RPS23: variants seen among roughly 807,000 people sequenced by gnomAD.
RPS23 encodes small ribosomal subunit protein uS12.
For missense variants in RPS23, 73 were observed against 174.5 expected (o/e 0.42, Z 3.28); for synonymous variants, 66 against 60.4 (o/e 1.09, Z -0.43).
intron 2 of RPS23, chr5:82,276,905 C>T (rs535139062): frequency 1.2e-4 from 23 of 186,936 alleles, no homozygotes; most frequent in African/African-American, 2.6e-4. Context: ...AAGTCTGGGC[C>T]GGACACAGTG....
intron 1 of RPS23, 24 bp downstream of exon 1, chr5:82,278,296 C>T: frequency 1.9e-6 from 3 of 1,608,878 alleles, no homozygotes; most frequent in Middle Eastern, 1.7e-4. Flanking sequence ...TTGCAGCGCC[C>T]TTAAACCGGC....
Position 82,275,977 on chromosome 5 carries a change from T to A in RPS23, c.*132A>T. On this transcript the variant is annotated 3_prime_UTR_variant, in exon 4 of 4. Coordinates refer to ENST00000296674, the MANE Select transcript of RPS23 (RefSeq NM_001025.5). The stretch of plus-strand genomic sequence containing the variant: ...GGTACAGGTCCTGCGTTTGCTGGTT[T>A]AGGATAAAAAAAATAAGGGGGGGTG... The A allele has an allele frequency of 2.4e-6, 2 of 833,934 alleles. No homozygotes were observed. The highest frequency in any genetic ancestry group is 3.8e-6 in the Non-Finnish European group (2 of 530,440). 51.7% of individuals were successfully genotyped at this position (833,934 alleles called of 1,614,324 possible).
rs1333825381 is a variant in RPS23, at chr5:82,275,508, C to T, written c.*601G>A. The stretch of plus-strand genomic sequence containing the variant: ...TCCCTTGCCTGGCATATACTTCCAT[C>T]AACTAAATGATCCAATGCCTGTATT... On this transcript the variant is annotated 3_prime_UTR_variant, in exon 4 of 4. Transcript: ENST00000296674. The T allele has an allele frequency of 2.0e-5, 12 of 592,936 alleles. No individual in the cohort carries two copies. In the Admixed American group the frequency reaches 3.2e-4, roughly 16 times the overall value. 36.7% of individuals were successfully genotyped at this position (592,936 alleles called of 1,614,324 possible).
rs1747736311 is a variant in RPS23 at position 82,274,808 on chromosome 5, A to T, written c.*1301T>A. The T allele has an allele frequency of 4.9e-6, 1 of 202,892 alleles. No homozygotes were observed. Among genetic ancestry groups the T allele is most frequent in the African/African-American group, 2.3e-5 (1 of 43,112 alleles). 12.6% of individuals were successfully genotyped at this position (202,892 alleles called of 1,614,324 possible). ...TACACGTTAGGAAACACTGGTACAAACCAACAGGCAGCCTTTCCGCCCTTG... is the reference window on the plus strand; with the variant it reads ...TACACGTTAGGAAACACTGGTACAATCCAACAGGCAGCCTTTCCGCCCTTG... On this transcript the variant is annotated 3_prime_UTR_variant, in exon 4 of 4. Coordinates refer to ENST00000296674, the MANE Select transcript of RPS23 (RefSeq NM_001025.5).
intron 1 of RPS23, 114 bp downstream of exon 1, chr5:82,278,206 C>A: frequency 9.8e-7 from 1 of 1,018,496 alleles, no homozygotes; most frequent in East Asian, 2.7e-5. Flanking sequence ...CCCGGCCCTC[C>A]CCCATGGAGC....
chr5:82,274,297 G>GC lies in RPS23; in HGVS notation c.*1811dup, dbSNP rs1365814164. 3.9e-5 allele frequency: 6 copies of GC among 152,658 alleles called. No homozygotes were observed. Among genetic ancestry groups the GC allele is most frequent in the Non-Finnish European group, 5.8e-5 (4 of 68,450 alleles). The allele number at this position is 152,658 out of a possible 1,614,324, so 9.5% of individuals were successfully genotyped here. On this transcript the variant is annotated 3_prime_UTR_variant, in exon 4 of 4. Coordinates refer to ENST00000296674, the MANE Select transcript of RPS23 (RefSeq NM_001025.5). ...AGGCAGTGGGGAAAGGGGCTGGGGG[G>GC]CCACACAGAGAAAGGAGAAGGCACT...
intron 3 of RPS23, 45 bp from the exon 4 acceptor site, chr5:82,276,300 C>G: frequency 1.2e-6 from 2 of 1,612,722 alleles, no homozygotes; most frequent in Non-Finnish European, 1.7e-6. Context: ...GTGGCGATCA[C>G]AAAAATACTT....
rs1747716163 is a variant in RPS23 at position 82,274,091 on chromosome 5, T to C, written c.*2018A>G. 1 of 152,190 alleles carries C rather than the reference T, an allele frequency of 6.6e-6. No homozygotes were observed. Among genetic ancestry groups the C allele is most frequent in the African/African-American group, 2.4e-5 (1 of 41,440 alleles). 9.4% of individuals were successfully genotyped at this position (152,190 alleles called of 1,614,324 possible). On this transcript the variant is annotated 3_prime_UTR_variant, in exon 4 of 4. Coordinates refer to ENST00000296674, the MANE Select transcript of RPS23 (RefSeq NM_001025.5). ...ACATGTAAGGTTGGGGTTCCTTTGT[T>C]TTGGTCTTTGACAAATGGAAGTCCA...
intron 1 of RPS23, 71 bp downstream of exon 1, chr5:82,278,249 G>C: frequency 6.7e-7 from 1 of 1,492,382 alleles, no homozygotes; most frequent in Non-Finnish European, 9.1e-7. Flanking sequence ...TACTCTATTC[G>C]CATCCGCCCG....
In RPS23 at chr5:82,276,023, C is replaced by A; in HGVS notation, c.*86G>T. 7.7e-7 allele frequency: 1 copy of A among 1,299,302 alleles called. No homozygotes were observed. The highest frequency in any genetic ancestry group is 1.4e-5 in the South Asian group (1 of 70,540). 80.5% of individuals were successfully genotyped at this position (1,299,302 alleles called of 1,614,324 possible). A position where few individuals can be genotyped will look rare whatever the true frequency, so the allele number is the denominator to read the frequency against. On this transcript the variant is annotated 3_prime_UTR_variant, in exon 4 of 4. Coordinates refer to ENST00000296674, the MANE Select transcript of RPS23 (RefSeq NM_001025.5). The stretch of plus-strand genomic sequence containing the variant: ...GGGTGGTGGTGGTAATGAACATGAT[C>A]TTCGTGGTGAGAACAGGGGACAGTA...
rs1747757550 is a variant in RPS23, at chr5:82,275,665, C to T, written c.*444G>A. The T allele has an allele frequency of 3.7e-6, 1 of 269,152 alleles. No individual in the cohort carries two copies. Among genetic ancestry groups the T allele is most frequent in the African/African-American group, 2.2e-5 (1 of 45,298 alleles). 16.7% of individuals were successfully genotyped at this position (269,152 alleles called of 1,614,324 possible). ...CCTGTAAGATGGATACAAGAATGTG[C>T]ATTTCCAAGGGTACCTAAGATAATC... On this transcript the variant is annotated 3_prime_UTR_variant, in exon 4 of 4. Transcript: ENST00000296674.
At chr5:82,276,791 G>A (rs1747802731) in intron 2 of RPS23, 1 of 388,594 alleles carries the variant, frequency 2.6e-6, no homozygotes, top group Non-Finnish European at 4.6e-6. Flanking sequence ...GACGTGGGAG[G>A]ATCTATGCCT....
At chr5:82,276,739 G>A in intron 2 of RPS23, 1 of 591,346 alleles carries the variant, frequency 1.7e-6, no homozygotes, top group South Asian at 2.2e-5. Context: ...AAGTAGACTG[G>A]AGTGGCAGCG....
At chr5:82,278,201 C>G in intron 1 of RPS23, 119 bp downstream of exon 1, 7 of 889,002 alleles carry the variant, frequency 7.9e-6, no homozygotes, top group East Asian at 2.8e-5. Flanking sequence ...GCTTCCCCGG[C>G]CCTCCCCCAT....
In RPS23 at chr5:82,276,267, TAAG is replaced by T. The variant is rs1217446551; in HGVS notation, c.286-15_286-13del. ...ACTTCATCATTTTCCTGGAATAAAA[TAAG>T]AAGTTTATTTCTGGTGTTGGTGGCG... On this transcript the variant is annotated splice_polypyrimidine_tract_variant and intron_variant, in intron 3 of 3. Coordinates refer to ENST00000296674, the MANE Select transcript of RPS23 (RefSeq NM_001025.5). 8 of 1,613,268 alleles carry T rather than the reference TAAG, an allele frequency of 5.0e-6. No homozygotes were observed. Among genetic ancestry groups the T allele is most frequent in the African/African-American group, 1.3e-5 (1 of 74,790 alleles).
chr5:82,275,866 C>T lies in RPS23; in HGVS notation c.*243G>A, dbSNP rs987457740. 1 of 468,932 alleles carries T rather than the reference C, an allele frequency of 2.1e-6. No individual in the cohort carries two copies. Among genetic ancestry groups the T allele is most frequent in the Admixed American group, 3.9e-5 (1 of 25,868 alleles). The allele number at this position is 468,932 out of a possible 1,614,324, so 29.0% of individuals were successfully genotyped here. ...AGATCTATCCCATTTTCTTATTCCA[C>T]AGGATGAGGGAAACTGTGCCAGGTT... On this transcript the variant is annotated 3_prime_UTR_variant, in exon 4 of 4. Coordinates refer to ENST00000296674, the MANE Select transcript of RPS23 (RefSeq NM_001025.5).
chr5:82,275,445 A>T lies in RPS23; in HGVS notation c.*664T>A, dbSNP rs1167627060. ...TGAAGGTCTCTGACAACCTCATGAGAAGATACTGAAAACATCAGTCTTGTC... is the reference window on the plus strand; with the variant it reads ...TGAAGGTCTCTGACAACCTCATGAGTAGATACTGAAAACATCAGTCTTGTC... On this transcript the variant is annotated 3_prime_UTR_variant, in exon 4 of 4. Coordinates refer to ENST00000296674, the MANE Select transcript of RPS23 (RefSeq NM_001025.5). 2 of 573,270 alleles carry T rather than the reference A, an allele frequency of 3.5e-6. No homozygotes were observed. The highest frequency in any genetic ancestry group is 6.2e-5 in the East Asian group (2 of 32,440). 35.5% of individuals were successfully genotyped at this position (573,270 alleles called of 1,614,324 possible).
At position 82,273,758 on chromosome 5, in the gene RPS23, T is replaced by C. The variant is rs1289777562; in HGVS notation, c.*2351A>G. 2.0e-5 allele frequency: 3 copies of C among 152,234 alleles called. No individual in the cohort carries two copies. Among genetic ancestry groups the C allele is most frequent in the Non-Finnish European group, 4.4e-5 (3 of 68,048 alleles). 9.4% of individuals were successfully genotyped at this position (152,234 alleles called of 1,614,324 possible). ...CTCTTCCCTCAAGAGTGTATGACTT[T>C]GCTGCCCAGGATGATCTTGAACTCC... On this transcript the variant is annotated 3_prime_UTR_variant, in exon 4 of 4. Coordinates refer to ENST00000296674, the MANE Select transcript of RPS23 (RefSeq NM_001025.5).
At chr5:82,276,637 G>A (rs1425426068) in intron 2 of RPS23, 119 bp from the exon 3 acceptor site, 5 of 1,303,608 alleles carry the variant, frequency 3.8e-6, no homozygotes, top group Non-Finnish European at 5.3e-6. Flanking sequence ...TCAAATGGCT[G>A]AGCTGAAGTC....
Sources: gnomAD v4.1 joint callset for allele counts on GRCh38, gnomAD v4.1.1 for gene constraint, MANE v1.5 for transcripts, NCBI Gene and HGNC (gene_info 2026-07-23, HGNC 2026-07-21) for gene names.